The following PARD3 variants were observed in gnomAD, a reference collection of about 807,000 sequenced individuals.
The protein encoded by PARD3 is partitioning defective 3 homolog.
PARD3 carries 75 observed loss-of-function variants against 155.4 expected under a neutral mutation model. The observed-to-expected ratio is 0.48, with a 90% CI of 0.40 to 0.58. The LOEUF is 0.58. Among genes scored for constraint, PARD3 ranks in the 20% least tolerant of loss-of-function variants. The pLI, the probability that PARD3 is intolerant of heterozygous loss-of-function variation, is 0.00. For synonymous variants in PARD3, 576 were observed against 610.5 expected (o/e 0.94, Z 0.83); for missense variants, 1,642 against 1,721.7 (o/e 0.95, Z 0.82).
intron 1 of PARD3, among the ~76,000 whole-genome samples, chr10:34,709,012 G>GT (rs1269608989): frequency 6.6e-6 from 1 of 151,960 alleles, no homozygotes; most frequent in African/African-American, 2.4e-5. Context: ...AAATACACAC[G>GT]TACACATATA....
At chr10:34,723,071 C>T (rs754495171) in intron 1 of PARD3, among the ~76,000 whole-genome samples, 2 of 152,076 alleles carry the variant, frequency 1.3e-5, no homozygotes, top group African/African-American at 2.4e-5. Flanking sequence ...TGGCCAGGCA[C>T]GGTGGCTTAC....
At chr10:34,786,487 G>C (rs187757918) in intron 1 of PARD3, among the ~76,000 whole-genome samples, 13 of 152,318 alleles carry the variant, frequency 8.5e-5, no homozygotes, top group Non-Finnish European at 1.6e-4. Context: ...GAGGCTCTTA[G>C]GGATGGCAGA....
intron 22 of PARD3, among the ~76,000 whole-genome samples, chr10:34,236,470 C>T (rs553820906): frequency 2.0e-5 from 3 of 152,162 alleles, no homozygotes; most frequent in African/African-American, 4.8e-5. Context: ...CAACATTTTC[C>T]GATAATGAGT....
At chr10:34,540,531 C>T (rs923831576) in intron 2 of PARD3, among the ~76,000 whole-genome samples, 1 of 152,168 alleles carries the variant, frequency 6.6e-6, no homozygotes, top group Non-Finnish European at 1.5e-5. Context: ...GAGCTGCCCG[C>T]TCAGCAGATG....
At chr10:34,237,682 A>C (rs951098127) in intron 22 of PARD3, among the ~76,000 whole-genome samples, 1 of 152,222 alleles carries the variant, frequency 6.6e-6, no homozygotes, top group East Asian at 1.9e-4. Context: ...TTACTCAGGG[A>C]CATTTGATTA....
chr10:34,309,906 A>AG (rs1957615835), intron 20 of PARD3, among the ~76,000 whole-genome samples: 1 of 151,470 alleles, frequency 6.6e-6, no homozygotes, highest in Non-Finnish European at 1.5e-5. Context: ...CAAAAAAAAA[A>AG]AAAAAAAACT....
chr10:34,294,643 G>A (rs188623448), intron 20 of PARD3, among the ~76,000 whole-genome samples: 36 of 152,224 alleles, frequency 2.4e-4, no homozygotes, highest in Admixed American at 1.2e-3. Context: ...AAGTTAATTC[G>A]CATATTCAGA....
At chr10:34,314,072 CT>C (rs1169071582) in intron 20 of PARD3, among the ~76,000 whole-genome samples, 1 of 152,082 alleles carries the variant, frequency 6.6e-6, no homozygotes, top group Admixed American at 6.6e-5. Flanking sequence ...CATGCATGTT[CT>C]GATTAAGCTG....
intron 1 of PARD3, among the ~76,000 whole-genome samples, chr10:34,776,567 T>TC (rs58439078): frequency 2.0e-5 from 3 of 151,238 alleles, no homozygotes; most frequent in Non-Finnish European, 2.9e-5. Flanking sequence ...TTTTTTTTTT[T>TC]AGTAAGCAGA....
At chr10:34,309,339 GCTT>G (rs1315637233) in intron 20 of PARD3, among the ~76,000 whole-genome samples, 12 of 151,988 alleles carry the variant, frequency 7.9e-5, no homozygotes, top group Non-Finnish European at 1.6e-4. Flanking sequence ...CCAGAGGATT[GCTT>G]GAGGCCAGAA....
At chr10:34,514,312 A>G (rs942373765) in intron 3 of PARD3, among the ~76,000 whole-genome samples, 3 of 152,168 alleles carry the variant, frequency 2.0e-5, no homozygotes, top group African/African-American at 4.8e-5. Flanking sequence ...CTTTCTTTTC[A>G]TATCTGTAAA....
intron 2 of PARD3, among the ~76,000 whole-genome samples, chr10:34,638,979 A>T (rs1471803233): frequency 6.6e-6 from 1 of 152,264 alleles, no homozygotes; most frequent in Non-Finnish European, 1.5e-5. Flanking sequence ...TATTTCAAAG[A>T]TGACTTCTAA....
Position 34,382,640 on chromosome 10 carries a change from G to A in PARD3, c.1299C>T (p.Ser433=), listed in dbSNP as rs367760686. The stretch of plus-strand genomic sequence containing the variant: ...CATTCTGAGGTGCCGAGGCTGGAGC[G>A]GATGGTGGTTTTCCCGAGGGGTGTG... The part of the protein sequence containing the change: ...HSAHPSGKPP[S]APASAPQNVF... Residue 433 remains serine (S), a synonymous_variant, in exon 9 of 25, where the codon TCC becomes TCT. Transcript: ENST00000374788. The A allele has an allele frequency of 9.3e-6, 15 of 1,613,952 alleles. No homozygotes were observed. Among genetic ancestry groups the A allele is most frequent in the South Asian group, 5.5e-5 (5 of 91,074 alleles).
At chr10:34,223,164 C>T (rs1952401686) in intron 22 of PARD3, among the ~76,000 whole-genome samples, 2 of 152,138 alleles carry the variant, frequency 1.3e-5, no homozygotes, top group African/African-American at 4.8e-5. Flanking sequence ...CACACTGTCC[C>T]ATCACCTCAT....
chr10:34,113,868 G>A lies in PARD3; in HGVS notation c.3669-2306C>T, dbSNP rs1224311527. Among the ~76,000 whole-genome samples the A allele has an allele frequency of 2.0e-5, 3 of 152,218 alleles. No individual in the cohort carries two copies. The East Asian group carries it at 5.8e-4, about 29-fold the overall frequency. ...GGGAGAAAGAAATGAAATAACACAT[G>A]TAAAGTGCTTAGAAAAGTGACTTGC... is the stretch of plus-strand genomic sequence containing the variant. On this transcript the variant is annotated intron_variant, in intron 24 of 24. Coordinates refer to ENST00000374788, the MANE Select transcript of PARD3 (RefSeq NM_001184785.2).
chr10:34,141,493 G>A (rs1380998462), intron 22 of PARD3, among the ~76,000 whole-genome samples: 1 of 152,162 alleles, frequency 6.6e-6, no homozygotes, highest in East Asian at 1.9e-4. Flanking sequence ...TGCTTCTGAT[G>A]TGATAGCTCC....
intron 3 of PARD3, among the ~76,000 whole-genome samples, chr10:34,472,867 G>A (rs1057058252): frequency 3.3e-5 from 5 of 152,194 alleles, no homozygotes; most frequent in African/African-American, 1.2e-4. Context: ...AGAATACATT[G>A]CATACATGAT....
chr10:34,212,273 T>C (rs776437605), intron 22 of PARD3, among the ~76,000 whole-genome samples: 1 of 152,114 alleles, frequency 6.6e-6, no homozygotes, highest in South Asian at 2.1e-4. Flanking sequence ...TTCTGAAACA[T>C]CTCTAATAAA....
chr10:34,564,121 T>G (rs1477476298), intron 2 of PARD3, among the ~76,000 whole-genome samples: 2 of 152,228 alleles, frequency 1.3e-5, no homozygotes. Flanking sequence ...TGACCTTCTC[T>G]ATGCATGAAA....
Sources: gnomAD v4.1 joint callset for allele counts (sites outside exome capture counted in the v4.1 genomes callset) on GRCh38, gnomAD v4.1.1 for gene constraint, MANE v1.5 for transcripts, NCBI Gene and HGNC (gene_info 2026-07-23, HGNC 2026-07-21) for gene names.